The following NR3C1 variants were observed in gnomAD, a reference collection of about 807,000 sequenced individuals.
The protein encoded by NR3C1 is glucocorticoid receptor.
In NR3C1, 14 loss-of-function variants were observed where a neutral mutation model predicts 74.0. The ratio of observed to expected loss-of-function variants is 0.19; its 90% CI spans 0.12 to 0.30. The LOEUF (loss-of-function observed/expected upper bound fraction) is 0.30, where lower values mean the gene tolerates loss of function less well. Ranked by LOEUF, NR3C1 falls within the 10% of genes least tolerant of loss-of-function variation. NR3C1 has a pLI of 1.00. For synonymous variants in NR3C1, 308 were observed against 332.5 expected (o/e 0.93, Z 0.80); for missense variants, 695 against 909.8 (o/e 0.76, Z 3.04).
intron 4 of NR3C1, among the ~76,000 whole-genome samples, chr5:143,306,026 C>G (rs939318940): frequency 2.0e-4 from 30 of 151,982 alleles, no homozygotes; most frequent in African/African-American, 6.5e-4. Flanking sequence ...TAAAGCCATA[C>G]TTTGGATTGA....
chr5:143,374,864 A>G (rs1402536931), intron 2 of NR3C1, among the ~76,000 whole-genome samples: 1 of 152,164 alleles, frequency 6.6e-6, no homozygotes, highest in Non-Finnish European at 1.5e-5. Flanking sequence ...GTATGCACAC[A>G]TACATGCACT....
At position 143,324,808 on chromosome 5, in the gene NR3C1, T is replaced by C. The variant is rs369040312; in HGVS notation, c.1185-10640A>G. Reference sequence around the variant, plus strand: ...CTGCTTAGAAATTTCTTCCACCAGATACCCTAAATCATCTCTCTCAAGTTC... The same window carrying C: ...CTGCTTAGAAATTTCTTCCACCAGACACCCTAAATCATCTCTCTCAAGTTC... On this transcript the variant is annotated intron_variant, in intron 2 of 8. Coordinates refer to ENST00000394464, the MANE Select transcript of NR3C1 (RefSeq NM_000176.3). 3.3e-5 allele frequency among the ~76,000 whole-genome samples: 5 copies of C among 152,324 alleles called. No homozygotes were observed. In the South Asian group the frequency reaches 8.3e-4, roughly 25 times the overall value.
At chr5:143,363,074 G>A (rs1174537376) in intron 2 of NR3C1, among the ~76,000 whole-genome samples, 2 of 152,138 alleles carry the variant, frequency 1.3e-5, no homozygotes, top group African/African-American at 2.4e-5. Flanking sequence ...TAAACTCCCT[G>A]GGTAAGAGTT....
At chr5:143,357,204 T>C (rs1600230230) in intron 2 of NR3C1, among the ~76,000 whole-genome samples, 1 of 152,192 alleles carries the variant, frequency 6.6e-6, no homozygotes. Context: ...TTTGTCAACA[T>C]GGTAAATAGC....
rs1240054012 is a variant in NR3C1 at position 143,295,010 on chromosome 5, T to A, written c.2023+450A>T. The A allele has an allele frequency of 1.0e-5, 10 of 985,282 alleles. No individual in the cohort carries two copies. In the African/African-American group the frequency reaches 1.7e-4, roughly 17 times the overall value. 61.0% of individuals were successfully genotyped at this position (985,282 alleles called of 1,614,324 possible). A position where few individuals can be genotyped will look rare whatever the true frequency, so the allele number is the denominator to read the frequency against. The stretch of plus-strand genomic sequence containing the variant: ...CCAGCTCCCATGCTATGTTAACCAA[T>A]CCCCAATAGTAATTAAGCACACCTT... On this transcript the variant is annotated intron_variant, in intron 7 of 8. Transcript: ENST00000394464.
chr5:143,286,710 C>T (rs1162864582), intron 7 of NR3C1, among the ~76,000 whole-genome samples: 1 of 151,952 alleles, frequency 6.6e-6, no homozygotes, highest in East Asian at 1.9e-4. Context: ...AACAACTAGA[C>T]AGAAAATCAG....
chr5:143,295,703 G>A (rs945197460), intron 6 of NR3C1, 113 bp from the exon 7 acceptor site: 6 of 824,636 alleles, frequency 7.3e-6, no homozygotes, highest in African/African-American at 6.8e-5. Flanking sequence ...AACAACTACT[G>A]CAATAATATT....
At position 143,403,377 on chromosome 5, in the gene NR3C1, C is replaced by T; in HGVS notation, c.-180G>A. 1.0e-6 allele frequency: 1 copy of T among 985,458 alleles called. No homozygotes were observed. Among genetic ancestry groups the T allele is most frequent in the Non-Finnish European group, 1.2e-6 (1 of 829,964 alleles). The allele number at this position is 985,458 out of a possible 1,614,324, so 61.0% of individuals were successfully genotyped here. A position where few individuals can be genotyped will look rare whatever the true frequency, so the allele number is the denominator to read the frequency against. ...TTCTCCATGGGTGGGGGGAGAGCCC[C>T]TATTTAAGAAAGTCTCCCATTGCCC... On this transcript the variant is annotated 5_prime_UTR_variant, in exon 1 of 9. It removes the in-frame stop codon of an upstream open reading frame in the 5' UTR. Coordinates refer to ENST00000394464, the MANE Select transcript of NR3C1 (RefSeq NM_000176.3).
At chr5:143,319,279 G>C (rs1401953225) in intron 2 of NR3C1, among the ~76,000 whole-genome samples, 1 of 152,126 alleles carries the variant, frequency 6.6e-6, no homozygotes, top group Non-Finnish European at 1.5e-5. Flanking sequence ...CTAAATTAGA[G>C]GCTTCCCTGA....
intron 4 of NR3C1, among the ~76,000 whole-genome samples, chr5:143,304,036 C>T (rs909386739): frequency 6.6e-6 from 1 of 152,092 alleles, no homozygotes; most frequent in African/African-American, 2.4e-5. Flanking sequence ...GTCACCATTC[C>T]AATTTAACAT....
intron 1 of NR3C1, among the ~76,000 whole-genome samples, chr5:143,426,829 G>T (rs964487714): frequency 1.3e-5 from 2 of 152,214 alleles, no homozygotes; most frequent in Non-Finnish European, 2.9e-5. Flanking sequence ...GACCTGTGAG[G>T]CTCTGATGTG....
upstream of NR3C1, chr5:143,404,517 C>A: frequency 1.0e-6 from 1 of 972,290 alleles, no homozygotes; most frequent in East Asian, 1.2e-4. Context: ...GCGCCCCGAC[C>A]GTCCCCCACC....
At chr5:143,344,312 C>G (rs1186013478) in intron 2 of NR3C1, among the ~76,000 whole-genome samples, 1 of 152,300 alleles carries the variant, frequency 6.6e-6, no homozygotes, top group Middle Eastern at 3.4e-3. Context: ...TGATAGTACA[C>G]AGGTGAAACC....
At chr5:143,325,372 G>A (rs1824359387) in intron 2 of NR3C1, among the ~76,000 whole-genome samples, 1 of 152,142 alleles carries the variant, frequency 6.6e-6, no homozygotes, top group Non-Finnish European at 1.5e-5. Context: ...GAATAGCAAG[G>A]GAAAGACCAG....
At chr5:143,398,728 G>C (rs1267763972) in intron 2 of NR3C1, among the ~76,000 whole-genome samples, 1 of 151,926 alleles carries the variant, frequency 6.6e-6, no homozygotes, top group African/African-American at 2.4e-5. Flanking sequence ...ATCTGAATTG[G>C]GGATGAGGTT....
At chr5:143,404,344 G>T, upstream of NR3C1, 1 of 985,474 alleles carries the variant, frequency 1.0e-6, no homozygotes, top group African/African-American at 1.7e-5. Context: ...TTCAGGGAAG[G>T]GACGGGATAG....
rs976667850 is a variant in NR3C1 at position 143,382,027 on chromosome 5, G to A, written c.1184+17629C>T. Among the ~76,000 whole-genome samples, 3 of 151,858 alleles carry A rather than the reference G, an allele frequency of 2.0e-5. No individual in the cohort carries two copies. In the South Asian group the frequency reaches 6.2e-4, roughly 32 times the overall value. ...ATTTGCAAGCTACCCATCTGAGAAG[G>A]GATTAATAACTAGAATATATAAAGA... is the stretch of plus-strand genomic sequence containing the variant. On this transcript the variant is annotated intron_variant, in intron 2 of 8. Transcript: ENST00000394464.
At chr5:143,306,533 T>C (rs890916511) in intron 4 of NR3C1, among the ~76,000 whole-genome samples, 13 of 152,174 alleles carry the variant, frequency 8.5e-5, no homozygotes, top group African/African-American at 2.9e-4. Context: ...CCCTAAGAAC[T>C]TTTTTAAGCC....
Position 143,386,571 on chromosome 5 carries a change from A to T in NR3C1, c.1184+13085T>A, listed in dbSNP as rs10477208. On this transcript the variant is annotated intron_variant, in intron 2 of 8. Coordinates refer to ENST00000394464, the MANE Select transcript of NR3C1 (RefSeq NM_000176.3). ...CAGAAAATCTCATATGTGTCTGTTTATGCTTATGTAATTACAGAGAAATGT... is the reference window on the plus strand; with the variant it reads ...CAGAAAATCTCATATGTGTCTGTTTTTGCTTATGTAATTACAGAGAAATGT... Among the ~76,000 whole-genome samples the T allele has an allele frequency of 4.4e-3, 663 of 152,298 alleles. 2 individuals are homozygous for T. The highest frequency in any genetic ancestry group is 0.015 in the African/African-American group (631 of 41,554).
Sources: allele counts gnomAD v4.1 joint callset (sites outside exome capture counted in the v4.1 genomes callset), GRCh38; gene constraint gnomAD v4.1.1; transcripts MANE v1.5; gene names NCBI Gene and HGNC (gene_info 2026-07-23, HGNC 2026-07-21).